VEGFC: variants seen among roughly 807,000 people sequenced by gnomAD.
VEGFC encodes vascular endothelial growth factor C.
In VEGFC, 12 loss-of-function variants were observed where a neutral mutation model predicts 46.1. The ratio of observed to expected loss-of-function variants is 0.26; its 90% confidence interval spans 0.17 to 0.42. The LOEUF is 0.42. Among genes scored for constraint, VEGFC ranks in the 10% least tolerant of loss-of-function variants. The pLI, the probability that VEGFC is intolerant of heterozygous loss-of-function variation, is 1.00. For missense variants in VEGFC, 488 were observed against 529.4 expected (o/e 0.92, Z 0.77); for synonymous variants, 232 against 195.5 (o/e 1.19, Z -1.56).
chr4:176,792,230 C>CG lies in VEGFC; in HGVS notation c.81dup (p.Ala28ArgfsTer41). On this transcript the variant is annotated frameshift_variant, in exon 1 of 7. Coordinates refer to ENST00000618562, the MANE Select transcript of VEGFC (RefSeq NM_005429.5). LOFTEE classifies it high-confidence loss of function. The surrounding 1 kb of genome is among the most constrained non-coding windows in gnomAD (Gnocchi z 6.3). ...AGTCCGGACTCGAAGGCGGCGGCGG[C>CG]GGCGGGCGCCTCGCGAGGACCCGGG... is the stretch of plus-strand genomic sequence containing the variant. The CG allele has an allele frequency of 2.6e-6, 4 of 1,555,656 alleles. No homozygotes were observed. Among genetic ancestry groups the CG allele is most frequent in the East Asian group, 2.5e-5 (1 of 39,438 alleles).
intron 1 of VEGFC, among the ~76,000 whole-genome samples, chr4:176,772,571 G>A (rs1293285910): frequency 6.6e-6 from 1 of 152,222 alleles, no homozygotes; most frequent in East Asian, 1.9e-4. Flanking sequence ...GCTACAGCGT[G>A]AATGTGTTCC....
rs1306316719 is a variant in VEGFC at position 176,727,855 on chromosome 4, C to T, written c.475G>A (p.Val159Ile). ...TTGCAGCAACCCCCACATCTGTAGACGGACACACATGGAGGTTTAAAGAAG... is the reference window on the plus strand; with the variant it reads ...TTGCAGCAACCCCCACATCTGTAGATGGACACACATGGAGGTTTAAAGAAG... ...NTFFKPPCVS[V>I]YRCGGCCNSE... Residue 159 changes from valine (V) to isoleucine (I), a missense_variant, in exon 3 of 7, where the codon GTC becomes ATC. By Grantham distance (29) the Val-to-Ile change is conservative. Coordinates refer to ENST00000618562, the MANE Select transcript of VEGFC (RefSeq NM_005429.5). 12 of 1,613,932 alleles carry T rather than the reference C, an allele frequency of 7.4e-6. No homozygotes were observed. Among genetic ancestry groups the T allele is most frequent in the African/African-American group, 4.0e-5 (3 of 74,982 alleles).
intron 4 of VEGFC, among the ~76,000 whole-genome samples, chr4:176,707,541 G>A (rs1042736329): frequency 1.3e-5 from 2 of 152,072 alleles, no homozygotes; most frequent in Admixed American, 6.5e-5. Flanking sequence ...TATATCACAC[G>A]TAATAATAAG....
Position 176,742,080 on chromosome 4 carries a change from T to A in VEGFC, c.148-12334A>T, listed in dbSNP as rs557374105. Among the ~76,000 whole-genome samples, 8 of 152,052 alleles carry A rather than the reference T, an allele frequency of 5.3e-5. No individual in the cohort carries two copies. In the South Asian group the frequency reaches 1.7e-3, roughly 32 times the overall value. ...AATTTGGCTTCTACAACCCTTGTTC[T>A]CCTCCCTCTTTCCCCCCATTTTGGA... On this transcript the variant is annotated intron_variant, in intron 1 of 6. Coordinates refer to ENST00000618562, the MANE Select transcript of VEGFC (RefSeq NM_005429.5).
chr4:176,704,763 A>G (rs1405930789), intron 4 of VEGFC, among the ~76,000 whole-genome samples: 1 of 152,160 alleles, frequency 6.6e-6, no homozygotes, highest in Non-Finnish European at 1.5e-5. Context: ...AGTTCTCAAG[A>G]GACTTTAAGA....
At chr4:176,781,068 A>T (rs1451749132) in intron 1 of VEGFC, among the ~76,000 whole-genome samples, 1 of 152,200 alleles carries the variant, frequency 6.6e-6, no homozygotes, top group Non-Finnish European at 1.5e-5. Context: ...AAAATTTATG[A>T]CATCATTATT....
intron 4 of VEGFC, among the ~76,000 whole-genome samples, chr4:176,704,445 C>T (rs1734488144): frequency 6.6e-6 from 1 of 152,112 alleles, no homozygotes; most frequent in African/African-American, 2.4e-5. Context: ...TGCTCCTTGT[C>T]TTTTGAATGT....
intron 1 of VEGFC, among the ~76,000 whole-genome samples, chr4:176,751,640 TAAACAA>T (rs1037908037): frequency 4.0e-5 from 6 of 151,474 alleles, no homozygotes; most frequent in Non-Finnish European, 7.4e-5. Flanking sequence ...AAATAAAACA[TAAACAA>T]AAACAGAAAA....
At chr4:176,734,854 TATA>T (rs981218880) in intron 1 of VEGFC, among the ~76,000 whole-genome samples, 4 of 151,898 alleles carry the variant, frequency 2.6e-5, no homozygotes, top group Non-Finnish European at 4.4e-5. Context: ...CATGTAATTT[TATA>T]ATAATATTTT....
intron 4 of VEGFC, among the ~76,000 whole-genome samples, chr4:176,699,326 C>A (rs899496453): frequency 6.6e-6 from 1 of 152,108 alleles, no homozygotes; most frequent in Non-Finnish European, 1.5e-5. Flanking sequence ...TGTCACTCAG[C>A]GGGTTATCCA....
intron 3 of VEGFC, among the ~76,000 whole-genome samples, chr4:176,720,101 C>T (rs539176773): frequency 1.3e-5 from 2 of 151,940 alleles, no homozygotes; most frequent in African/African-American, 2.4e-5. Flanking sequence ...AAAATATAAG[C>T]GAATCCTTTG....
At chr4:176,703,179 A>C (rs1734465049) in intron 4 of VEGFC, among the ~76,000 whole-genome samples, 2 of 152,094 alleles carry the variant, frequency 1.3e-5, no homozygotes, top group South Asian at 4.1e-4. Context: ...TTGGGGTAGA[A>C]GGGAACTTTT....
chr4:176,760,224 T>C (rs886998703), intron 1 of VEGFC, among the ~76,000 whole-genome samples: 3 of 152,288 alleles, frequency 2.0e-5, no homozygotes, highest in South Asian at 2.1e-4. Context: ...AGTACAGATA[T>C]ATATTTTAAG....
intron 6 of VEGFC, among the ~76,000 whole-genome samples, chr4:176,686,185 T>C (rs17697359): frequency 0.084 from 12,747 of 152,194 alleles, 595 homozygotes; most frequent in Non-Finnish European, 0.1. Context: ...AAAAAGGCCA[T>C]GGAAAGGACA....
At chr4:176,695,691 G>A (rs922076990) in intron 4 of VEGFC, among the ~76,000 whole-genome samples, 21 of 152,054 alleles carry the variant, frequency 1.4e-4, no homozygotes, top group Non-Finnish European at 2.6e-4. Context: ...GAGAATTTTA[G>A]ACCAATATCC....
At chr4:176,685,687 CCTT>C (rs1208152894) in intron 6 of VEGFC, among the ~76,000 whole-genome samples, 1 of 151,776 alleles carries the variant, frequency 6.6e-6, no homozygotes, top group African/African-American at 2.4e-5. Context: ...GTATCTATAT[CCTT>C]CTGAAAATAG....
chr4:176,765,237 C>A (rs1735598185), intron 1 of VEGFC, among the ~76,000 whole-genome samples: 1 of 151,096 alleles, frequency 6.6e-6, no homozygotes, highest in South Asian at 2.1e-4. Context: ...GATTAGTGAA[C>A]TGGAAGACAG....
At chr4:176,765,739 G>A (rs1356545521) in intron 1 of VEGFC, among the ~76,000 whole-genome samples, 1 of 151,836 alleles carries the variant, frequency 6.6e-6, no homozygotes, top group East Asian at 1.9e-4. Flanking sequence ...ATTTTTAGTA[G>A]AGACGGGGTT....
At chr4:176,722,488 G>GT (rs138526102) in intron 3 of VEGFC, among the ~76,000 whole-genome samples, 94,758 of 134,716 alleles carry the variant, frequency 0.7, 38,373 homozygotes, top group Non-Finnish European at 0.88. Flanking sequence ...TTTTTCTTTT[G>GT]TTTTTTTTTT....
Sources: allele counts gnomAD v4.1 joint callset (sites outside exome capture counted in the v4.1 genomes callset), GRCh38; gene constraint gnomAD v4.1.1; non-coding constraint Gnocchi (gnomAD v3.1); transcripts MANE v1.5; gene names NCBI Gene and HGNC (gene_info 2026-07-23, HGNC 2026-07-21).